The following PALS2 variants were observed in gnomAD, a reference collection of about 807,000 sequenced individuals.
PALS2 encodes the protein protein associated with LIN7 2, MAGUK p55 family member.
In PALS2, 27 loss-of-function variants were observed where a neutral mutation model predicts 61.6. The ratio of observed to expected loss-of-function variants is 0.44; its 90% CI spans 0.32 to 0.60. PALS2 has a LOEUF of 0.60. Among genes scored for constraint, PALS2 ranks in the 20% least tolerant of loss-of-function variants. PALS2 has a pLI of 0.05. For missense variants in PALS2, 554 were observed against 639.4 expected, an observed-to-expected ratio of 0.87 and a Z score of 1.44; for synonymous variants, 236 against 218.6, an observed-to-expected ratio of 1.08 and a Z score of -0.70.
intron 1 of PALS2, among the ~76,000 whole-genome samples, chr7:24,607,555 ATG>A (rs1158299162): frequency 6.7e-6 from 1 of 149,794 alleles, no homozygotes; most frequent in African/African-American, 2.5e-5. Flanking sequence ...GTATATATGT[ATG>A]TGTATATATA....
chr7:24,601,790 A>C (rs972534548), intron 1 of PALS2, among the ~76,000 whole-genome samples: 2 of 152,122 alleles, frequency 1.3e-5, no homozygotes, highest in African/African-American at 2.4e-5. Flanking sequence ...GCATCATTGC[A>C]TCATCTTCTA....
At chr7:24,669,872 C>T (rs1199085285) in intron 9 of PALS2, among the ~76,000 whole-genome samples, 1 of 152,180 alleles carries the variant, frequency 6.6e-6, no homozygotes, top group Non-Finnish European at 1.5e-5. Flanking sequence ...TCACTGTAAT[C>T]AACGTATGTT....
rs1583881778 is a variant in PALS2 at position 24,618,091 on chromosome 7, C to G, written c.-2-5575C>G. ...CAATGTGGAGCCAGTTCAAGGACATCTTCACCAGAGGCTAGCCTGCCAGGC... is the reference window on the plus strand; with the variant it reads ...CAATGTGGAGCCAGTTCAAGGACATGTTCACCAGAGGCTAGCCTGCCAGGC... On this transcript the variant is annotated intron_variant, in intron 1 of 11. Coordinates refer to ENST00000222644, the MANE Select transcript of PALS2 (RefSeq NM_001303037.2). This position sits in a 1 kb window ranked among gnomAD's most constrained non-coding sequence, Gnocchi z 5.1. Among the ~76,000 whole-genome samples the G allele has an allele frequency of 6.6e-6, 1 of 152,288 alleles. No homozygotes were observed. The highest frequency in any genetic ancestry group is 1.9e-4 in the East Asian group (1 of 5,172).
At chr7:24,583,565 C>A (rs938372488) in intron 1 of PALS2, among the ~76,000 whole-genome samples, 1 of 151,864 alleles carries the variant, frequency 6.6e-6, no homozygotes, top group African/African-American at 2.4e-5. Context: ...GTCCCCTGCC[C>A]CCAAATAAAG....
At chr7:24,673,817 G>A (rs1246688447) in intron 9 of PALS2, among the ~76,000 whole-genome samples, 2 of 151,392 alleles carry the variant, frequency 1.3e-5, no homozygotes, top group African/African-American at 4.9e-5. Flanking sequence ...CTTTCTACTT[G>A]TACTTTGGGT....
At chr7:24,612,087 T>C (rs1482470523) in intron 1 of PALS2, among the ~76,000 whole-genome samples, 1 of 152,018 alleles carries the variant, frequency 6.6e-6, no homozygotes, top group East Asian at 1.9e-4. Context: ...TTGAAATACT[T>C]TTGAATATTT....
chr7:24,620,093 A>C (rs1784438808), intron 1 of PALS2: 1 of 152,214 alleles, frequency 6.6e-6, no homozygotes, highest in African/African-American at 2.4e-5. Context: ...ACGAAAGTAC[A>C]TTATTTGAAG....
rs185602180 is a variant in PALS2 at position 24,583,816 on chromosome 7, C to T, written c.-3+10223C>T. Among the ~76,000 whole-genome samples, 266 of 152,078 alleles carry T rather than the reference C, an allele frequency of 1.7e-3. 1 individual carries two copies. The highest frequency in any genetic ancestry group is 6.2e-3 in the African/African-American group (257 of 41,464). ...CCCAATGCTATCCCTCCCCTCTCCCCCGACCCCACCACAGTCCCCAGAGTG... is the reference window on the plus strand; with the variant it reads ...CCCAATGCTATCCCTCCCCTCTCCCTCGACCCCACCACAGTCCCCAGAGTG... On this transcript the variant is annotated intron_variant, in intron 1 of 11. Coordinates refer to ENST00000222644, the MANE Select transcript of PALS2 (RefSeq NM_001303037.2).
intron 5 of PALS2, among the ~76,000 whole-genome samples, chr7:24,661,755 A>C (rs2128085472): frequency 6.6e-6 from 1 of 152,308 alleles, no homozygotes; most frequent in Non-Finnish European, 1.5e-5. Flanking sequence ...AAGTAATAAA[A>C]TGGTCTAGTA....
intron 5 of PALS2, among the ~76,000 whole-genome samples, chr7:24,661,763 G>C (rs868826648): frequency 6.6e-6 from 1 of 152,200 alleles, no homozygotes; most frequent in South Asian, 2.1e-4. Flanking sequence ...AAATGGTCTA[G>C]TAGTTTGTTT....
intron 1 of PALS2, among the ~76,000 whole-genome samples, chr7:24,591,043 C>T (rs1783266884): frequency 6.6e-6 from 1 of 151,978 alleles, no homozygotes; most frequent in Admixed American, 6.6e-5. Flanking sequence ...TGTCTCACCT[C>T]CCCTCCAGTA....
chr7:24,639,431 CACT>C (rs1785403636), intron 2 of PALS2, among the ~76,000 whole-genome samples: 1 of 147,262 alleles, frequency 6.8e-6, no homozygotes, highest in African/African-American at 2.5e-5. Context: ...CACACACACA[CACT>C]ACTTAGAATA....
intron 3 of PALS2, among the ~76,000 whole-genome samples, chr7:24,643,751 T>G (rs1009732598): frequency 1.3e-5 from 2 of 152,158 alleles, no homozygotes; most frequent in African/African-American, 4.8e-5. Flanking sequence ...TTTAGTTACT[T>G]CCCTGTGGTG....
At chr7:24,614,565 C>T (rs144661762) in intron 1 of PALS2, among the ~76,000 whole-genome samples, 33 of 151,944 alleles carry the variant, frequency 2.2e-4, no homozygotes, top group Non-Finnish European at 2.7e-4. Context: ...TATAAATGCA[C>T]ACAACCCTGG....
chr7:24,657,337 A>G (rs564169443), intron 5 of PALS2, among the ~76,000 whole-genome samples: 6 of 152,358 alleles, frequency 3.9e-5, no homozygotes, highest in African/African-American at 9.6e-5. Flanking sequence ...CCAACATTAT[A>G]TGAAAGTTCC....
intron 11 of PALS2, among the ~76,000 whole-genome samples, chr7:24,685,861 A>G (rs1174883185): frequency 6.6e-6 from 1 of 152,096 alleles, no homozygotes; most frequent in African/African-American, 2.4e-5. Context: ...TACACAAATG[A>G]CATTGTTGAG....
chr7:24,646,031 A>G (rs575904896), intron 3 of PALS2, among the ~76,000 whole-genome samples: 1 of 152,176 alleles, frequency 6.6e-6, no homozygotes, highest in African/African-American at 2.4e-5. Flanking sequence ...GGCTGAAGTT[A>G]TCAGCTGGAG....
chr7:24,578,001 G>GT (rs1782701295), intron 1 of PALS2, among the ~76,000 whole-genome samples: 2 of 152,052 alleles, frequency 1.3e-5, no homozygotes, highest in Admixed American at 1.3e-4. Flanking sequence ...GTGCAGTGGT[G>GT]TGTGTGATCA....
intron 11 of PALS2, among the ~76,000 whole-genome samples, chr7:24,683,599 T>C (rs1186289127): frequency 6.6e-6 from 1 of 152,122 alleles, no homozygotes; most frequent in Non-Finnish European, 1.5e-5. Flanking sequence ...CAGGCTCATC[T>C]TGTACATTTT....
Sources: gnomAD v4.1 joint callset for allele counts (sites outside exome capture counted in the v4.1 genomes callset) on GRCh38, gnomAD v4.1.1 for gene constraint, Gnocchi (gnomAD v3.1) non-coding constraint, MANE v1.5 for transcripts, NCBI Gene and HGNC (gene_info 2026-07-23, HGNC 2026-07-21) for gene names.